TLN2: variants seen among roughly 807,000 people sequenced by gnomAD.
TLN2 encodes the protein talin-2.
A neutral mutation model predicts 294.7 loss-of-function variants in TLN2; 118 were observed. The ratio of observed to expected loss-of-function variants is 0.40; its 90% CI spans 0.34 to 0.47. TLN2 has a LOEUF of 0.47. Ranked by LOEUF, TLN2 falls within the 20% of genes least tolerant of loss-of-function variation. The pLI, the probability that TLN2 is intolerant of heterozygous loss-of-function variation, is 0.84. For synonymous variants in TLN2, 1,431 were observed against 1,304.5 expected, an observed-to-expected ratio of 1.10 and a Z score of -2.09; for missense variants, 3,083 against 3,282.2, an observed-to-expected ratio of 0.94 and a Z score of 1.48.
At chr15:62,457,446 T>C (rs916396785) in intron 1 of TLN2, among the ~76,000 whole-genome samples, 3 of 152,112 alleles carry the variant, frequency 2.0e-5, no homozygotes, top group Non-Finnish European at 4.4e-5. Context: ...CATGATTGAG[T>C]TCATAGCAGG....
At chr15:62,610,729 T>C (rs552122549) in intron 2 of TLN2, among the ~76,000 whole-genome samples, 2 of 152,220 alleles carry the variant, frequency 1.3e-5, no homozygotes, top group South Asian at 4.1e-4. Context: ...TTTGCTGTTC[T>C]GCACTCGTCC....
intron 56 of TLN2, 22 bp downstream of exon 56, chr15:62,835,821 C>G (rs200385605): frequency 6.2e-7 from 1 of 1,614,184 alleles, no homozygotes; most frequent in Non-Finnish European, 8.5e-7. Context: ...TCTCCTTCCT[C>G]CCAGTTTGCT....
At chr15:62,826,800 T>TAGAC (rs2068247908) in intron 54 of TLN2, among the ~76,000 whole-genome samples, 1 of 152,236 alleles carries the variant, frequency 6.6e-6, no homozygotes, top group African/African-American at 2.4e-5. Flanking sequence ...GTGGGAGTTC[T>TAGAC]AGACACTGGC....
rs2032395136 is a variant in TLN2, at chr15:62,394,791, G to A, written c.-238+4106G>A. Among the ~76,000 whole-genome samples the A allele has an allele frequency of 3.3e-5, 5 of 152,152 alleles. No homozygotes were observed. In the South Asian group the frequency reaches 1.0e-3, roughly 32 times the overall value. ...CCTGACAATCTTTGGCTTGGGGCAG[G>A]TGCCATTTGAATAACAGCTGGTGGA... is the stretch of plus-strand genomic sequence containing the variant. On this transcript the variant is annotated intron_variant, in intron 1 of 58. Coordinates refer to ENST00000636159, the MANE Select transcript of TLN2 (RefSeq NM_015059.3).
chr15:62,807,646 G>A (rs1360091398), intron 51 of TLN2, among the ~76,000 whole-genome samples: 1 of 152,194 alleles, frequency 6.6e-6, no homozygotes, highest in Admixed American at 6.5e-5. Flanking sequence ...CCTAACGTGT[G>A]CTCCCCTGTT....
intron 1 of TLN2, among the ~76,000 whole-genome samples, chr15:62,445,845 G>T (rs1013008615): frequency 6.6e-6 from 1 of 152,032 alleles, no homozygotes; most frequent in Admixed American, 6.5e-5. Context: ...TAAATTTCTA[G>T]TAGAGATGAG....
chr15:62,610,797 CAT>C (rs1303265241), intron 2 of TLN2, among the ~76,000 whole-genome samples: 5 of 152,184 alleles, frequency 3.3e-5, no homozygotes, highest in African/African-American at 7.2e-5. Context: ...TAAATTTTAA[CAT>C]GTGGATTTGC....
At chr15:62,787,259 C>A (rs1221325813) in intron 45 of TLN2, among the ~76,000 whole-genome samples, 1 of 152,162 alleles carries the variant, frequency 6.6e-6, no homozygotes, top group African/African-American at 2.4e-5. Flanking sequence ...TCAACTTTCA[C>A]AAGCTGTCCC....
chr15:62,607,423 T>A (rs137938194), intron 2 of TLN2, among the ~76,000 whole-genome samples: 95 of 152,346 alleles, frequency 6.2e-4, no homozygotes, highest in African/African-American at 2.2e-3. Context: ...CTTTGGATTG[T>A]TCTTTCTTGA....
intron 1 of TLN2, among the ~76,000 whole-genome samples, chr15:62,434,268 T>C (rs772086355): frequency 2.0e-5 from 3 of 152,204 alleles, no homozygotes; most frequent in African/African-American, 4.8e-5. Context: ...CCTCTGAATA[T>C]ATAGTATATA....
chr15:62,793,473 A>C (rs1390077658), intron 46 of TLN2, among the ~76,000 whole-genome samples: 1 of 152,256 alleles, frequency 6.6e-6, no homozygotes, highest in Non-Finnish European at 1.5e-5. Context: ...GACTGATAGA[A>C]CTGCAAAGAT....
At chr15:62,399,256 C>CAAAAAAAAAAAAAAAAA (rs546678440) in intron 1 of TLN2, among the ~76,000 whole-genome samples, 1 of 58,430 alleles carries the variant, frequency 1.7e-5, no homozygotes, top group Non-Finnish European at 2.8e-5. Flanking sequence ...CCGTCTCAAA[C>CAAAAAAAAAAAAAAAAA]AAAAAAAAAA....
intron 1 of TLN2, among the ~76,000 whole-genome samples, chr15:62,576,087 T>C (rs1488199712): frequency 6.6e-6 from 1 of 152,148 alleles, no homozygotes; most frequent in Non-Finnish European, 1.5e-5. Flanking sequence ...TCTAAGGTAG[T>C]GGTGATTGTC....
chr15:62,565,747 A>G (rs1053081685), intron 1 of TLN2, among the ~76,000 whole-genome samples: 5 of 152,212 alleles, frequency 3.3e-5, no homozygotes, highest in Non-Finnish European at 7.3e-5. Flanking sequence ...AATGTGTGCT[A>G]TGTGCAGCAG....
chr15:62,737,207 A>ACTTC (rs1478643775), intron 29 of TLN2, 121 bp downstream of exon 29: 1 of 1,037,790 alleles, frequency 9.6e-7, no homozygotes, highest in African/African-American at 1.6e-5. Context: ...GTTTTCAGAA[A>ACTTC]CTTCCAAAGG....
In TLN2 at chr15:62,711,961, G is replaced by T. The variant is rs369372883; in HGVS notation, c.2518G>T (p.Val840Phe). The stretch of plus-strand genomic sequence containing the variant: ...TCTGGCCCAAGCCACATCAGACCTC[G>T]TCAATGCCATGAGGTCAGATGCAGA... ...RVLAQATSDLVNAMRSDAEAE... is the reference protein window; with the variant it reads ...RVLAQATSDLFNAMRSDAEAE... The change falls in exon 22 of 59, where the codon GTC becomes TTC. Residue 840 changes from valine (V) to phenylalanine (F), a missense_variant. Val to Phe is a conservative substitution (Grantham distance 50, BLOSUM62 -1). Transcript: ENST00000636159. 3 of 1,614,108 alleles carry T rather than the reference G, an allele frequency of 1.9e-6. No homozygotes were observed. The highest frequency in any genetic ancestry group is 2.5e-6 in the Non-Finnish European group (3 of 1,179,950).
At chr15:62,713,298 A>G (rs1273257422) in intron 22 of TLN2, among the ~76,000 whole-genome samples, 1 of 150,728 alleles carries the variant, frequency 6.6e-6, no homozygotes, top group Non-Finnish European at 1.5e-5. Flanking sequence ...AACAAAAAAT[A>G]GATTCATTAA....
chr15:62,501,029 G>C (rs902750350), intron 1 of TLN2, among the ~76,000 whole-genome samples: 2 of 152,166 alleles, frequency 1.3e-5, no homozygotes, highest in African/African-American at 4.8e-5. Context: ...ACTGAAAAAC[G>C]CATCTTGTGC....
intron 57 of TLN2, among the ~76,000 whole-genome samples, chr15:62,836,854 A>G (rs2069693340): frequency 2.0e-5 from 3 of 152,340 alleles, no homozygotes; most frequent in South Asian, 4.1e-4. Context: ...ATGGCGAGAT[A>G]CATTCTGCTT....
Sources: allele counts gnomAD v4.1 joint callset (sites outside exome capture counted in the v4.1 genomes callset), GRCh38; gene constraint gnomAD v4.1.1; transcripts MANE v1.5; gene names NCBI Gene and HGNC (gene_info 2026-07-23, HGNC 2026-07-21).